Variants in ATP2B2 observed in about 807,000 individuals in gnomAD.
ATP2B2 encodes plasma membrane calcium-transporting ATPase 2.
Under a neutral mutation model 120.0 loss-of-function variants are expected in ATP2B2, and 15 were observed. The observed-to-expected ratio is 0.12, with a 90% confidence interval of 0.08 to 0.19. The LOEUF (loss-of-function observed/expected upper bound fraction) is 0.19. Among genes scored for constraint, ATP2B2 ranks in the 10% least tolerant of loss-of-function variants. The pLI, the probability that ATP2B2 is intolerant of heterozygous loss-of-function variation, is 1.00. For missense variants in ATP2B2, 1,045 were observed against 1,719.8 expected (o/e 0.61, Z 6.94); for synonymous variants, 694 against 700.3 (o/e 0.99, Z 0.14).
At chr3:10,592,244 T>A in intron 2 of ATP2B2, among the ~76,000 whole-genome samples, 1 of 152,242 alleles carries the variant, frequency 6.6e-6, no homozygotes, top group Non-Finnish European at 1.5e-5. Context: ...GAGTGAATAC[T>A]CAATAGAGGC....
At chr3:10,383,907 G>A (rs2061599601) in intron 8 of ATP2B2, among the ~76,000 whole-genome samples, 1 of 152,174 alleles carries the variant, frequency 6.6e-6, no homozygotes, top group African/African-American at 2.4e-5. Context: ...AAGCTCAGCA[G>A]GCTCACTGCC....
At chr3:10,678,784 A>G (rs1404571239) in intron 1 of ATP2B2, among the ~76,000 whole-genome samples, 2 of 152,162 alleles carry the variant, frequency 1.3e-5, no homozygotes, top group African/African-American at 2.4e-5. Context: ...ATTCTAAATC[A>G]TCCCCCAGAT....
chr3:10,541,379 C>G (rs1216328696), intron 2 of ATP2B2, among the ~76,000 whole-genome samples: 1 of 151,958 alleles, frequency 6.6e-6, no homozygotes, highest in East Asian at 1.9e-4. Context: ...TTTCAGAATT[C>G]TTTATTTGCT....
chr3:10,329,375 C>A lies in ATP2B2; in HGVS notation c.3421-250G>T, dbSNP rs1413915307. On this transcript the variant is annotated intron_variant, in intron 22 of 22. Coordinates refer to ENST00000360273, the MANE Select transcript of ATP2B2 (RefSeq NM_001001331.4). This position sits in a 1 kb window ranked among gnomAD's most constrained non-coding sequence, Gnocchi z 5.9. ...AAACTAGTGTTAGGACAGGAGGAATCACCAAGCACCATCAAAGAGATGATG... is the reference window on the plus strand; with the variant it reads ...AAACTAGTGTTAGGACAGGAGGAATAACCAAGCACCATCAAAGAGATGATG... Among the ~76,000 whole-genome samples, 1 of 152,004 alleles carries A rather than the reference C, an allele frequency of 6.6e-6. No homozygotes were observed. Among genetic ancestry groups the A allele is most frequent in the Non-Finnish European group, 1.5e-5 (1 of 67,996 alleles).
rs189116652 is a variant in ATP2B2 at position 10,445,618 on chromosome 3, G to A, written c.199+3727C>T. Among the ~76,000 whole-genome samples the A allele has an allele frequency of 2.5e-3, 374 of 152,340 alleles. 1 individual carries two copies. Among genetic ancestry groups the A allele is most frequent in the Non-Finnish European group, 3.1e-3 (208 of 68,020 alleles). Reference sequence around the variant, plus strand: ...CCACACCCTGAGCTGGCTGCCAGCCGTGCCCTGGGTGAGCGCTGATTCCCT... The same window carrying A: ...CCACACCCTGAGCTGGCTGCCAGCCATGCCCTGGGTGAGCGCTGATTCCCT... On this transcript the variant is annotated intron_variant, in intron 2 of 22. Transcript: ENST00000360273.
chr3:10,545,348 G>A (rs2067522161), intron 2 of ATP2B2, among the ~76,000 whole-genome samples: 1 of 152,228 alleles, frequency 6.6e-6, no homozygotes, highest in Admixed American at 6.5e-5. Context: ...TGGCCAACAT[G>A]GGGAAACTCC....
intron 12 of ATP2B2, among the ~76,000 whole-genome samples, chr3:10,364,124 A>G (rs2060976029): frequency 6.6e-6 from 1 of 152,248 alleles, no homozygotes; most frequent in Non-Finnish European, 1.5e-5. Flanking sequence ...GAAATAAACC[A>G]GTCACAAAAG....
intron 22 of ATP2B2, chr3:10,336,388 G>A (rs755934163): frequency 6.4e-4 from 811 of 1,273,896 alleles, no homozygotes; most frequent in Non-Finnish European, 7.8e-4. Flanking sequence ...AAGAACAGCC[G>A]CAGCCACGGC....
At position 10,375,666 on chromosome 3, in the gene ATP2B2, C is replaced by T; in HGVS notation, c.1202-22G>A. 1 of 1,608,098 alleles carries T rather than the reference C, an allele frequency of 6.2e-7. No individual in the cohort carries two copies. Among genetic ancestry groups the T allele is most frequent in the Non-Finnish European group, 8.5e-7 (1 of 1,175,446 alleles). ...AAGCCTGCAATGTGAGGGACACATGCTTGGGGGGTTCCAGGAAGTGGAGGC... is the reference window on the plus strand; with the variant it reads ...AAGCCTGCAATGTGAGGGACACATGTTTGGGGGGTTCCAGGAAGTGGAGGC... On this transcript the variant is annotated intron_variant, in intron 10 of 22. Transcript: ENST00000360273. The surrounding 1 kb of genome is among the most constrained non-coding windows in gnomAD (Gnocchi z 4.2).
At chr3:10,574,413 C>T (rs919864716) in intron 2 of ATP2B2, among the ~76,000 whole-genome samples, 1 of 152,152 alleles carries the variant, frequency 6.6e-6, no homozygotes, top group Admixed American at 6.5e-5. Context: ...ATCATCTGGT[C>T]CTCTGCCTGG....
At chr3:10,548,472 A>G (rs1323312293) in intron 2 of ATP2B2, among the ~76,000 whole-genome samples, 3 of 152,146 alleles carry the variant, frequency 2.0e-5, no homozygotes, top group Non-Finnish European at 4.4e-5. Context: ...GATAGTGTAT[A>G]GATATCCCAG....
chr3:10,332,091 C>T, intron 22 of ATP2B2: 1 of 1,496,456 alleles, frequency 6.7e-7, no homozygotes, highest in Non-Finnish European at 9.1e-7. Context: ...TAGGGTTCCC[C>T]CCACAAAGCA....
chr3:10,664,745 C>T lies in ATP2B2; in HGVS notation c.-460+43170G>A, dbSNP rs186018646. ...CACAAGAGCAAGGTATTTGATCTAG[C>T]GGGTGCCTTGAAAAGGGAAGGCAAT... On this transcript the variant is annotated intron_variant, in intron 1 of 21. Transcript: ENST00000646379. Among the ~76,000 whole-genome samples the T allele has an allele frequency of 1.3e-3, 191 of 152,218 alleles. 2 individuals are homozygous for T. Among genetic ancestry groups the T allele is most frequent in the African/African-American group, 4.1e-3 (172 of 41,526 alleles).
chr3:10,449,399 T>C lies in ATP2B2; in HGVS notation c.145A>G (p.Thr49Ala). 5 of 1,614,206 alleles carry C rather than the reference T, an allele frequency of 3.1e-6. No homozygotes were observed. The highest frequency in any genetic ancestry group is 4.2e-6 in the Non-Finnish European group (5 of 1,180,032). Residue 49 changes from threonine (T) to alanine (A), a missense_variant, in exon 2 of 23, where the codon ACT becomes GCT. This residue lies in a region of ATP2B2 where 139 missense variants were observed against 134.2 expected (regional missense o/e 1.04). Transcript: ENST00000360273. ...GTEAVVKIKE[T>A]YGDTEAICRR... ...CAGATGGCTTCGGTGTCCCCATAAG[T>C]CTCCTTGATCTTGACCACAGCCTCA...
intron 2 of ATP2B2, among the ~76,000 whole-genome samples, chr3:10,534,884 T>A (rs1234178737): frequency 6.6e-6 from 1 of 151,092 alleles, no homozygotes; most frequent in Non-Finnish European, 1.5e-5. Context: ...TCAATCCATT[T>A]ATTCATTTAT....
In ATP2B2 at chr3:10,340,348, A is replaced by G. The variant is rs1229661551; in HGVS notation, c.3131T>C (p.Ile1044Thr). ...TIVLGTFAIQIVIVQFGGKPF... is the reference protein window; with the variant it reads ...TIVLGTFAIQTVIVQFGGKPF... The stretch of plus-strand genomic sequence containing the variant: ...CTTCCCTCCAAACTGCACGATCACT[A>G]TCTGGAGGTCACAGGGGAGCAGAGA... The change falls in exon 21 of 23, where the codon ATA (isoleucine) becomes ACA (threonine). Residue 1044 changes from isoleucine (I) to threonine (T), a missense_variant and splice_region_variant. Ile to Thr is a moderately conservative substitution (Grantham distance 89). Coordinates refer to ENST00000360273, the MANE Select transcript of ATP2B2 (RefSeq NM_001001331.4). The surrounding 1 kb of genome is among the most constrained non-coding windows in gnomAD (Gnocchi z 5.0). 6.2e-7 allele frequency: 1 copy of G among 1,614,038 alleles called. No individual in the cohort carries two copies. The highest frequency in any genetic ancestry group is 8.5e-7 in the Non-Finnish European group (1 of 1,179,936).
chr3:10,624,965 G>A (rs2069654640), intron 1 of ATP2B2, among the ~76,000 whole-genome samples: 1 of 152,222 alleles, frequency 6.6e-6, no homozygotes, highest in South Asian at 2.1e-4. Flanking sequence ...AAGGCCAGAT[G>A]GGAAAGCGGG....
At position 10,375,898 on chromosome 3, in the gene ATP2B2, C is replaced by T. The variant is rs542596396; in HGVS notation, c.1202-254G>A. On this transcript the variant is annotated intron_variant, in intron 10 of 22. Transcript: ENST00000360273. This position sits in a 1 kb window ranked among gnomAD's most constrained non-coding sequence, Gnocchi z 4.2. ...TTGTAAGGCTCAAATGTGGTAATAA[C>T]GCATGCAAAGTGCCCAGCATAGTGC... is the stretch of plus-strand genomic sequence containing the variant. Among the ~76,000 whole-genome samples, 30 of 152,242 alleles carry T rather than the reference C, an allele frequency of 2.0e-4. No homozygotes were observed. Among genetic ancestry groups the T allele is most frequent in the Non-Finnish European group, 3.4e-4 (23 of 68,030 alleles).
intron 2 of ATP2B2, among the ~76,000 whole-genome samples, chr3:10,549,819 T>C (rs2067629959): frequency 6.6e-6 from 1 of 152,034 alleles, no homozygotes; most frequent in Admixed American, 6.6e-5. Flanking sequence ...GATAGAAAAG[T>C]GAAGAGTACA....
Sources: gnomAD v4.1 joint callset for allele counts (sites outside exome capture counted in the v4.1 genomes callset) on GRCh38, gnomAD v4.1.1 for gene constraint, gnomAD v4.1.1 regional missense constraint, Gnocchi (gnomAD v3.1) non-coding constraint, MANE v1.5 for transcripts, NCBI Gene and HGNC (gene_info 2026-07-23, HGNC 2026-07-21) for gene names.